The following CHD3 variants were observed in gnomAD, a reference collection of about 807,000 sequenced individuals.
CHD3 encodes the protein chromodomain helicase DNA binding protein 3, also known as ATP-dependent chromatin remodeler CHD3.
In CHD3, 52 loss-of-function variants were observed where a neutral mutation model predicts 248.9. That is an observed-to-expected ratio of 0.21 (90% CI 0.17 to 0.26). The LOEUF is 0.26. Ranked by LOEUF, CHD3 falls within the 10% of genes least tolerant of loss-of-function variation. The probability of loss-of-function intolerance (pLI) is 1.00; values close to 1 mark genes in which losing one functional copy is unlikely to be tolerated. For missense variants in CHD3, 1,482 were observed against 2,605.8 expected, an observed-to-expected ratio of 0.57 and a Z score of 9.39; for synonymous variants, 985 against 985.2, an observed-to-expected ratio of 1.00 and a Z score of 0.00.
In CHD3 at chr17:7,903,202, G is replaced by T. The variant is rs1050245054; in HGVS notation, c.3496-70G>T. ...CTTCTTCAGCAGCCTTCTTTCCTGA[G>T]GCAGCTCTATGGGCAGCTTCTCCCC... On this transcript the variant is annotated intron_variant, in intron 22 of 39. Coordinates refer to ENST00000330494, the MANE Select transcript of CHD3 (RefSeq NM_001005273.3). This position sits in a 1 kb window ranked among gnomAD's most constrained non-coding sequence, Gnocchi z 6.8. 1.1e-5 allele frequency: 17 copies of T among 1,580,818 alleles called. No homozygotes were observed. Among genetic ancestry groups the T allele is most frequent in the Non-Finnish European group, 1.4e-5 (16 of 1,154,522 alleles).
chr17:7,899,051 C>G lies in CHD3; in HGVS notation c.2192C>G (p.Ala731Gly). Reference sequence around the variant, plus strand: ...GAGACTCAGCCACGGTTTATCACAGCCACTGGAGGCACCCTGCACATGTAT... The same window carrying G: ...GAGACTCAGCCACGGTTTATCACAGGCACTGGAGGCACCCTGCACATGTAT... ...KYETQPRFIT[A>G]TGGTLHMYQL... The change falls in exon 14 of 40, where the codon GCC (alanine) becomes GGC (glycine). Residue 731 changes from alanine (A) to glycine (G), a missense_variant. This residue lies in a region of CHD3 where 127 missense variants were observed against 188.3 expected (regional missense o/e 0.67). Coordinates refer to ENST00000330494, the MANE Select transcript of CHD3 (RefSeq NM_001005273.3). The surrounding 1 kb of genome is among the most constrained non-coding windows in gnomAD (Gnocchi z 6.8). 6.2e-7 allele frequency: 1 copy of G among 1,614,138 alleles called. No homozygotes were observed. Among genetic ancestry groups the G allele is most frequent in the African/African-American group, 1.3e-5 (1 of 75,024 alleles).
Position 7,907,814 on chromosome 17 carries a change from C to A in CHD3, c.5027-80C>A. On this transcript the variant is annotated intron_variant, in intron 33 of 39. Transcript: ENST00000330494. The surrounding 1 kb of genome is among the most constrained non-coding windows in gnomAD (Gnocchi z 4.3). ...CGGGTAGCTGTTTGAAAGGCCAGTA[C>A]AGTACAGTACAGATAGTAGTCTTGG... 2 of 1,543,914 alleles carry A rather than the reference C, an allele frequency of 1.3e-6. No homozygotes were observed.
At chr17:7,893,161 C>T in intron 4 of CHD3, 125 bp from the exon 5 acceptor site, 7 of 1,294,230 alleles carry the variant, frequency 5.4e-6, no homozygotes, top group South Asian at 2.2e-5. Flanking sequence ...GCTGTTTTTC[C>T]TAATAGGACA....
intron 7 of CHD3, 37 bp from the exon 8 acceptor site, chr17:7,894,378 C>T (rs746886466): frequency 6.9e-6 from 11 of 1,593,724 alleles, no homozygotes; most frequent in Non-Finnish European, 8.6e-6. Flanking sequence ...TCTCCCCCTG[C>T]CCTGCTTCCT....
At chr17:7,884,907 A>G (rs1597891080), upstream of CHD3, 1 of 1,358,676 alleles carries the variant, frequency 7.4e-7, no homozygotes, top group South Asian at 1.5e-5. Context: ...GAGGAGGAGG[A>G]GGAGGTGGAG....
In CHD3 at chr17:7,907,053, G is replaced by A; in HGVS notation, c.4666+22G>A. On this transcript the variant is annotated intron_variant, in intron 30 of 39. Coordinates refer to ENST00000330494, the MANE Select transcript of CHD3 (RefSeq NM_001005273.3). This position sits in a 1 kb window ranked among gnomAD's most constrained non-coding sequence, Gnocchi z 4.3. ...CCTGGTAATCAGAAGTCAGGATGGT[G>A]GGAGAGACAGAAAGGGAGCCAGGAG... 3.1e-6 allele frequency: 5 copies of A among 1,613,948 alleles called. No individual in the cohort carries two copies. Among genetic ancestry groups the A allele is most frequent in the Non-Finnish European group, 4.2e-6 (5 of 1,179,864 alleles).
Position 7,889,007 on chromosome 17 carries a change from G to A in CHD3, c.7G>A (p.Ala3Thr), listed in dbSNP as rs930797021. 6.2e-7 allele frequency: 1 copy of A among 1,614,216 alleles called. No individual in the cohort carries two copies. Among genetic ancestry groups the A allele is most frequent in the African/African-American group, 1.3e-5 (1 of 75,050 alleles). ...GGAGACTTTCTCCTGTGTGATGAAG[G>A]CGGCAGACACTGTGATCCTGTGGGC... MK[A>T]ADTVILWARS... Residue 3 changes from alanine (A) to threonine (T), a missense_variant, in exon 1 of 40, where the codon GCG (alanine) becomes ACG (threonine). Transcript: ENST00000330494. The surrounding 1 kb of genome is among the most constrained non-coding windows in gnomAD (Gnocchi z 4.5).
chr17:7,890,470 A>C (rs1405358304), intron 2 of CHD3, 101 bp from the exon 3 acceptor site: 2 of 816,788 alleles, frequency 2.4e-6, no homozygotes, highest in Non-Finnish European at 3.7e-6. Flanking sequence ...CTATCACAGG[A>C]TTGTTGTGAA....
In CHD3 at chr17:7,904,049, TC is replaced by T; in HGVS notation, c.3894+60del. 6.4e-7 allele frequency: 1 copy of T among 1,568,700 alleles called. No individual in the cohort carries two copies. The highest frequency in any genetic ancestry group is 8.7e-7 in the Non-Finnish European group (1 of 1,147,374). ...CCCAGGCCATCTCCAAAAGGCAGTA[TC>T]CTTTACTCAGCCTTGAAGTAGGAGG... On this transcript the variant is annotated intron_variant, in intron 24 of 39. Transcript: ENST00000330494. The surrounding 1 kb of genome is among the most constrained non-coding windows in gnomAD (Gnocchi z 4.4).
At chr17:7,892,412 T>C (rs1969003541) in intron 4 of CHD3, among the ~76,000 whole-genome samples, 1 of 152,164 alleles carries the variant, frequency 6.6e-6, no homozygotes, top group South Asian at 2.1e-4. Flanking sequence ...AACTGTAAAG[T>C]AGTATACAAA....
rs1261476420 is a variant in CHD3 at position 7,906,170 on chromosome 17, G to C, written c.4358+181G>C. On this transcript the variant is annotated intron_variant, in intron 28 of 39. Coordinates refer to ENST00000330494, the MANE Select transcript of CHD3 (RefSeq NM_001005273.3). This position sits in a 1 kb window ranked among gnomAD's most constrained non-coding sequence, Gnocchi z 5.0. ...TCTCAGCCCACTCCACCTCCCCTCA[G>C]CCGAGCCTAGAGTAGAGGGGCCAGG... The C allele has an allele frequency of 1.2e-5, 12 of 983,242 alleles. No individual in the cohort carries two copies. Among genetic ancestry groups the C allele is most frequent in the Non-Finnish European group, 1.9e-5 (12 of 618,744 alleles). The allele number at this position is 983,242 out of a possible 1,614,324, so 60.9% of individuals were successfully genotyped here.
At chr17:7,901,424 C>T in intron 20 of CHD3, 49 bp downstream of exon 20, 2 of 1,492,310 alleles carry the variant, frequency 1.3e-6, no homozygotes, top group Non-Finnish European at 1.8e-6. Flanking sequence ...CTTCCCTCTC[C>T]TCATCCTCCA....
chr17:7,896,576 T>C (rs1266094737), intron 10 of CHD3, among the ~76,000 whole-genome samples: 1 of 143,242 alleles, frequency 7.0e-6, no homozygotes, highest in Admixed American at 7.0e-5. Flanking sequence ...TGGCTAATTT[T>C]GTATTTTTAG....
In CHD3 at chr17:7,895,387, G is replaced by A; in HGVS notation, c.1552G>A (p.Gly518Arg). 6.2e-7 allele frequency: 1 copy of A among 1,614,124 alleles called. No homozygotes were observed. The highest frequency in any genetic ancestry group is 8.5e-7 in the Non-Finnish European group (1 of 1,180,030). The change falls in exon 10 of 40, where the codon GGG becomes AGG. Residue 518 changes from glycine (G) to arginine (R), a missense_variant. Around this residue, in one of 20 missense-constraint regions of CHD3, gnomAD observed 138 missense variants for 241.1 expected, o/e 0.57. Coordinates refer to ENST00000330494, the MANE Select transcript of CHD3 (RefSeq NM_001005273.3). The surrounding 1 kb of genome is among the most constrained non-coding windows in gnomAD (Gnocchi z 4.9). ...RVQKILHWRWGEPPVAVPAPQ... is the reference protein window; with the variant it reads ...RVQKILHWRWREPPVAVPAPQ... Reference sequence around the variant, plus strand: ...GCAGAAGATCCTACATTGGCGGTGGGGGGAGCCACCTGTAGCAGTGCCAGC... The same window carrying A: ...GCAGAAGATCCTACATTGGCGGTGGAGGGAGCCACCTGTAGCAGTGCCAGC...
At position 7,900,846 on chromosome 17, in the gene CHD3, C is replaced by T; in HGVS notation, c.2979-6C>T. The T allele has an allele frequency of 6.2e-7, 1 of 1,613,956 alleles. No individual in the cohort carries two copies. The highest frequency in any genetic ancestry group is 1.3e-5 in the African/African-American group (1 of 75,010). On this transcript the variant is annotated splice_region_variant and splice_polypyrimidine_tract_variant and intron_variant, in intron 18 of 39. Coordinates refer to ENST00000330494, the MANE Select transcript of CHD3 (RefSeq NM_001005273.3). The surrounding 1 kb of genome is among the most constrained non-coding windows in gnomAD (Gnocchi z 6.5). ...GTTTCTTTTACACCCCTTTCCTGGC[C>T]TTTAGGAAATACTACAAATACATCC...
Position 7,907,314 on chromosome 17 carries a change from A to G in CHD3, c.4789-39A>G. 3 of 1,611,864 alleles carry G rather than the reference A, an allele frequency of 1.9e-6. No individual in the cohort carries two copies. Among genetic ancestry groups the G allele is most frequent in the Non-Finnish European group, 2.5e-6 (3 of 1,178,800 alleles). On this transcript the variant is annotated intron_variant, in intron 31 of 39. Coordinates refer to ENST00000330494, the MANE Select transcript of CHD3 (RefSeq NM_001005273.3). This position sits in a 1 kb window ranked among gnomAD's most constrained non-coding sequence, Gnocchi z 4.3. ...GGGGCTTGGAGGCCAGGTACCTGGG[A>G]GCCCTCTGGCTCATCCTGACCCCAT...
In CHD3 at chr17:7,893,289, C is replaced by T; in HGVS notation, c.513C>T (p.Pro171=). 3.1e-6 allele frequency: 5 copies of T among 1,606,942 alleles called. No homozygotes were observed. The highest frequency in any genetic ancestry group is 3.4e-6 in the Non-Finnish European group (4 of 1,175,394). The change falls in exon 5 of 40, where the codon CCC becomes CCT. Residue 171 remains proline, a synonymous_variant. Coordinates refer to ENST00000330494, the MANE Select transcript of CHD3 (RefSeq NM_001005273.3). ...TTTTCTGCTTCTATATTTACAGGCC[C>T]CTAATTGCTAAGAAGAATCCTAAGA... is the stretch of plus-strand genomic sequence containing the variant. ...NYKAFSQFMR[P]LIAKKNPKIP...
chr17:7,888,740 G>A (rs1968380090), upstream of CHD3: 10 of 1,188,076 alleles, frequency 8.4e-6, no homozygotes, highest in South Asian at 1.9e-5. Flanking sequence ...GCGCGCGTGC[G>A]CGCGCGTGCT....
In CHD3 at chr17:7,910,889, GCGGCCTTC is replaced by G; in HGVS notation, c.5798_5805del (p.Ala1933GlufsTer106). 1 of 1,613,034 alleles carries G rather than the reference GCGGCCTTC, an allele frequency of 6.2e-7. No individual in the cohort carries two copies. The highest frequency in any genetic ancestry group is 8.5e-7 in the Non-Finnish European group (1 of 1,179,668). On this transcript the variant is annotated frameshift_variant, in exon 39 of 40. Coordinates refer to ENST00000330494, the MANE Select transcript of CHD3 (RefSeq NM_001005273.3). LOFTEE classifies it high-confidence loss of function. This position sits in a 1 kb window ranked among gnomAD's most constrained non-coding sequence, Gnocchi z 4.7. ...CTACGCTACACCTCCGGGGTACGGGGCGGCCTTCAGCGCCGCACCCGTAGGGGCCCTGG... is the reference window on the plus strand; with the variant it reads ...CTACGCTACACCTCCGGGGTACGGGGAGCGCCGCACCCGTAGGGGCCCTGG...
Sources: allele counts gnomAD v4.1 joint callset (sites outside exome capture counted in the v4.1 genomes callset), GRCh38; gene constraint gnomAD v4.1.1; regional missense constraint gnomAD v4.1.1; non-coding constraint Gnocchi (gnomAD v3.1); transcripts MANE v1.5; gene names NCBI Gene and HGNC (gene_info 2026-07-23, HGNC 2026-07-21).